ZSWIM5: variants seen among roughly 807,000 people sequenced by gnomAD.
ZSWIM5 encodes zinc finger SWIM domain-containing protein 5.
Under a neutral mutation model 119.6 loss-of-function variants are expected in ZSWIM5, and 55 were observed. The ratio of observed to expected loss-of-function variants is 0.46; its 90% CI spans 0.37 to 0.58. The LOEUF (loss-of-function observed/expected upper bound fraction) is 0.58, where lower values mean the gene tolerates loss of function less well. Ranked by LOEUF, ZSWIM5 falls within the 20% of genes least tolerant of loss-of-function variation. The pLI, the probability that ZSWIM5 is intolerant of heterozygous loss-of-function variation, is 0.00. For synonymous variants in ZSWIM5, 537 were observed against 606.9 expected (o/e 0.88, Z 1.69); for missense variants, 1,193 against 1,512.8 (o/e 0.79, Z 3.51).
At chr1:45,045,629 C>T (rs11211073) in intron 5 of ZSWIM5, among the ~76,000 whole-genome samples, 38,633 of 152,030 alleles carry the variant, frequency 0.25, 5,691 homozygotes, top group Middle Eastern at 0.42. Flanking sequence ...AATCTAAGCT[C>T]CTCTACTGCT....
intron 1 of ZSWIM5, among the ~76,000 whole-genome samples, chr1:45,114,814 C>T (rs1036299132): frequency 6.6e-5 from 10 of 152,160 alleles, no homozygotes; most frequent in Non-Finnish European, 1.5e-4. Context: ...GTTTGTGTCC[C>T]TTGGTACTTG....
chr1:45,034,553 G>A lies in ZSWIM5; in HGVS notation c.2292-84C>T, dbSNP rs1425019533. 6.1e-6 allele frequency: 9 copies of A among 1,470,854 alleles called. 1 individual carries two copies. Among genetic ancestry groups the A allele is most frequent in the Non-Finnish European group, 8.2e-6 (9 of 1,097,926 alleles). The allele number at this position is 1,470,854 out of a possible 1,614,324, so 91.1% of individuals were successfully genotyped here. ...TTAGAGAAGCTTGCTCTTTGCTGGG[G>A]AGGAACTGGGGAGAGGAAAGGATTA... On this transcript the variant is annotated intron_variant, in intron 10 of 13. Transcript: ENST00000359600.
At position 45,044,836 on chromosome 1, in the gene ZSWIM5, A is replaced by ATATAAAT. The variant is rs1491342236; in HGVS notation, c.1433-1442_1433-1441insATTTATA. 4.1e-3 allele frequency among the ~76,000 whole-genome samples: 49 copies of ATATAAAT among 11,866 alleles called. 10 individuals carry two copies. Among genetic ancestry groups the ATATAAAT allele is most frequent in the African/African-American group, 0.012 (28 of 2,320 alleles). 7.8% of individuals were successfully genotyped at this position (11,866 alleles called of 152,430 possible). On this transcript the variant is annotated intron_variant, in intron 5 of 13. Transcript: ENST00000359600. ...ATATATATATAAATATATATATATA[A>ATATAAAT]ATATATATATATAGATTAGCCGGGC...
chr1:45,155,729 G>T (rs909736008), intron 1 of ZSWIM5, among the ~76,000 whole-genome samples: 1 of 152,204 alleles, frequency 6.6e-6, no homozygotes, highest in African/African-American at 2.4e-5. Flanking sequence ...AATGGCACTC[G>T]CAGCAACCTG....
chr1:45,205,370 C>T (rs1204626622), intron 1 of ZSWIM5, among the ~76,000 whole-genome samples: 1 of 152,186 alleles, frequency 6.6e-6, no homozygotes, highest in African/African-American at 2.4e-5. Context: ...CCCTCAAACG[C>T]TCCCTCTAAA....
At chr1:45,092,258 T>A (rs1350957705) in intron 1 of ZSWIM5, among the ~76,000 whole-genome samples, 1 of 152,140 alleles carries the variant, frequency 6.6e-6, no homozygotes, top group African/African-American at 2.4e-5. Context: ...TTTTATGAAT[T>A]TGATAGTAGG....
intron 1 of ZSWIM5, among the ~76,000 whole-genome samples, chr1:45,168,347 G>A (rs775808872): frequency 4.6e-5 from 7 of 151,848 alleles, no homozygotes; most frequent in Admixed American, 2.6e-4. Context: ...GTGGGGAGGC[G>A]GGAGGGATAA....
In ZSWIM5 at chr1:45,069,927, T is replaced by G. The variant is rs947599516; in HGVS notation, c.953-9680A>C. On this transcript the variant is annotated intron_variant, in intron 2 of 13. Transcript: ENST00000359600. ...GAGGACTGGTACAGCCTTTAAAACT[T>G]CTTTGATAGGAGCAAATCCAGTATC... The G allele has an allele frequency of 8.6e-5, 51 of 592,102 alleles. No homozygotes were observed. The East Asian group carries it at 1.4e-3, about 17-fold the overall frequency. The allele number at this position is 592,102 out of a possible 1,614,324, so 36.7% of individuals were successfully genotyped here.
chr1:45,118,421 C>T (rs1198468498), intron 1 of ZSWIM5, among the ~76,000 whole-genome samples: 2 of 152,012 alleles, frequency 1.3e-5, no homozygotes, highest in African/African-American at 4.8e-5. Context: ...TTCCTGAGTA[C>T]TAAGAAAAAT....
At chr1:45,021,038 A>AT (rs1644884513) in intron 11 of ZSWIM5, among the ~76,000 whole-genome samples, 2 of 146,524 alleles carry the variant, frequency 1.4e-5, no homozygotes, top group African/African-American at 5.0e-5. Flanking sequence ...TACCCTCAGG[A>AT]TCCTTTTTTT....
chr1:45,184,372 C>G (rs1482006537), intron 1 of ZSWIM5, among the ~76,000 whole-genome samples: 2 of 152,166 alleles, frequency 1.3e-5, no homozygotes, highest in Admixed American at 6.5e-5. Context: ...CACTCCTATT[C>G]AACACAGTGC....
At chr1:45,174,736 T>C (rs981895060) in intron 1 of ZSWIM5, among the ~76,000 whole-genome samples, 9 of 151,938 alleles carry the variant, frequency 5.9e-5, no homozygotes, top group African/African-American at 2.2e-4. Context: ...CAAGATTCTG[T>C]CTCAAAAAAA....
chr1:45,021,257 G>A (rs113496573), intron 11 of ZSWIM5, among the ~76,000 whole-genome samples: 21 of 152,216 alleles, frequency 1.4e-4, no homozygotes, highest in African/African-American at 4.6e-4. Flanking sequence ...GGATGGTCTC[G>A]ATCTCTGACC....
At chr1:45,196,803 T>C (rs1646128497) in intron 1 of ZSWIM5, among the ~76,000 whole-genome samples, 1 of 152,234 alleles carries the variant, frequency 6.6e-6, no homozygotes, top group African/African-American at 2.4e-5. Context: ...AATATAGTCA[T>C]GTAACCACTA....
intron 1 of ZSWIM5, among the ~76,000 whole-genome samples, chr1:45,195,265 T>C (rs1646115344): frequency 6.6e-6 from 1 of 152,152 alleles, no homozygotes; most frequent in African/African-American, 2.4e-5. Flanking sequence ...GACAGGGTCT[T>C]GCTCTGTTGC....
At chr1:45,045,482 T>A (rs1352938376) in intron 5 of ZSWIM5, among the ~76,000 whole-genome samples, 1 of 152,234 alleles carries the variant, frequency 6.6e-6, no homozygotes, top group Non-Finnish European at 1.5e-5. Flanking sequence ...TTCTTTAGAA[T>A]TTAATACATC....
intron 8 of ZSWIM5, among the ~76,000 whole-genome samples, chr1:45,038,088 C>A (rs1298388463): frequency 6.6e-6 from 1 of 152,086 alleles, no homozygotes. Context: ...TATATGTATA[C>A]AGTAAGTGAA....
At chr1:45,201,494 C>T (rs1487431915) in intron 1 of ZSWIM5, among the ~76,000 whole-genome samples, 1 of 151,844 alleles carries the variant, frequency 6.6e-6, no homozygotes, top group Non-Finnish European at 1.5e-5. Context: ...TTCATATAAC[C>T]CTCACCATAA....
At chr1:45,126,126 A>G (rs1043196420) in intron 1 of ZSWIM5, among the ~76,000 whole-genome samples, 12 of 151,792 alleles carry the variant, frequency 7.9e-5, no homozygotes, top group Non-Finnish European at 1.3e-4. Flanking sequence ...TCAAATTAAC[A>G]TAAGTTCCAC....
Sources: allele counts gnomAD v4.1 joint callset (sites outside exome capture counted in the v4.1 genomes callset), GRCh38; gene constraint gnomAD v4.1.1; transcripts MANE v1.5; gene names NCBI Gene and HGNC (gene_info 2026-07-23, HGNC 2026-07-21).